The following R3HDM1 variants were observed in gnomAD, a reference collection of about 807,000 sequenced individuals.
R3HDM1 encodes the protein R3H domain-containing protein 1.
A neutral mutation model predicts 141.1 loss-of-function variants in R3HDM1; 46 were observed. The ratio of observed to expected loss-of-function variants is 0.33; its 90% CI spans 0.26 to 0.42. R3HDM1 has a LOEUF of 0.42. R3HDM1 is among the 10% of genes least tolerant of loss of function. The pLI is 1.00. For synonymous variants in R3HDM1, 435 were observed against 472.9 expected (o/e 0.92, Z 1.04); for missense variants, 1,184 against 1,368.3 (o/e 0.87, Z 2.12).
At chr2:135,545,564 T>G (rs1350395693) in intron 1 of R3HDM1, among the ~76,000 whole-genome samples, 2 of 152,214 alleles carry the variant, frequency 1.3e-5, no homozygotes, top group African/African-American at 4.8e-5. Flanking sequence ...AGTACACACT[T>G]GGATGAAGTT....
At chr2:135,594,139 T>G (rs1443621577) in intron 1 of R3HDM1, among the ~76,000 whole-genome samples, 1 of 152,206 alleles carries the variant, frequency 6.6e-6, no homozygotes, top group Non-Finnish European at 1.5e-5. Flanking sequence ...GTCTCCCACA[T>G]CTCCCCTGCT....
At chr2:135,623,350 C>T (rs2061681090) in intron 7 of R3HDM1, among the ~76,000 whole-genome samples, 1 of 152,102 alleles carries the variant, frequency 6.6e-6, no homozygotes, top group Non-Finnish European at 1.5e-5. Flanking sequence ...AGAAATCTTC[C>T]TCTAGATGTT....
At chr2:135,632,127 A>C in intron 9 of R3HDM1, 126 bp downstream of exon 9, 1 of 821,064 alleles carries the variant, frequency 1.2e-6, no homozygotes, top group East Asian at 3.1e-5. Context: ...TGATAACCTT[A>C]TGTGATAGGA....
chr2:135,558,345 G>A lies in R3HDM1; in HGVS notation c.-250+26712G>A, dbSNP rs77458369. The stretch of plus-strand genomic sequence containing the variant: ...TATGTGGCTGGTAGCTACCTTATTA[G>A]ACAGCACAACTATCTAAATTTGGAA... On this transcript the variant is annotated intron_variant, in intron 1 of 26. Coordinates refer to ENST00000683871, the MANE Select transcript of R3HDM1 (RefSeq NM_001378107.1). 7.0e-3 allele frequency among the ~76,000 whole-genome samples: 1,065 copies of A among 152,264 alleles called. 12 individuals are homozygous for A. Among genetic ancestry groups the A allele is most frequent in the African/African-American group, 0.024 (998 of 41,534 alleles).
intron 15 of R3HDM1, among the ~76,000 whole-genome samples, chr2:135,644,799 A>G (rs911616705): frequency 2.0e-5 from 3 of 152,166 alleles, no homozygotes; most frequent in African/African-American, 7.2e-5. Context: ...AGAGTTTTTC[A>G]GGAAACACTA....
At chr2:135,623,761 T>C (rs2061722840) in intron 7 of R3HDM1, among the ~76,000 whole-genome samples, 1 of 152,210 alleles carries the variant, frequency 6.6e-6, no homozygotes, top group African/African-American at 2.4e-5. Context: ...ATTGTAGATA[T>C]GAAAAGGTAT....
intron 1 of R3HDM1, among the ~76,000 whole-genome samples, chr2:135,596,102 G>C (rs1007471750): frequency 1.3e-5 from 2 of 152,034 alleles, no homozygotes; most frequent in Non-Finnish European, 2.9e-5. Context: ...AGGCTCCAGC[G>C]ATTCTCCTGC....
intron 18 of R3HDM1, among the ~76,000 whole-genome samples, chr2:135,652,695 T>C (rs1265542379): frequency 6.6e-6 from 1 of 152,180 alleles, no homozygotes; most frequent in African/African-American, 2.4e-5. Context: ...TATTTTCTGA[T>C]GGTGTTTATG....
In R3HDM1 at chr2:135,710,230, A is replaced by G. The variant is rs1255995887; in HGVS notation, c.2735A>G (p.Gln912Arg). ...VEFSSVDNIV[Q>R]HSPQLSSPII... ...TTTAGCAGTGTAGACAATATTGTCC[A>G]GGTAAGATGGTTTTGTTCATTATCA... Residue 912 changes from glutamine to arginine, a missense_variant and splice_region_variant, in exon 23 of 27, where the codon CAG becomes CGG. Coordinates refer to ENST00000683871, the MANE Select transcript of R3HDM1 (RefSeq NM_001378107.1). 6.2e-7 allele frequency: 1 copy of G among 1,610,998 alleles called. No individual in the cohort carries two copies. The highest frequency in any genetic ancestry group is 8.5e-7 in the Non-Finnish European group (1 of 1,178,152).
rs1160518434 is a variant in R3HDM1, at chr2:135,630,288, A to AAAAAC, written c.498-1426_498-1425insCAAAA. 1.2e-3 allele frequency among the ~76,000 whole-genome samples: 171 copies of AAAAAC among 142,326 alleles called. 3 individuals carry two copies. Among genetic ancestry groups the AAAAAC allele is most frequent in the African/African-American group, 4.5e-3 (160 of 35,800 alleles). The allele number at this position is 142,326 out of a possible 152,430, so 93.4% of individuals were successfully genotyped here. ...GCGAAACTCCTTCTCAACCAAAAAA[A>AAAAAC]AAAAAAAAAAAAAAAAAAAACAAAA... On this transcript the variant is annotated intron_variant, in intron 7 of 26. Transcript: ENST00000683871.
chr2:135,532,140 C>A (rs1457965677), intron 1 of R3HDM1, among the ~76,000 whole-genome samples: 1 of 152,234 alleles, frequency 6.6e-6, no homozygotes, highest in East Asian at 1.9e-4. Flanking sequence ...GGCCGCCCCA[C>A]GGCCGCATCC....
chr2:135,707,351 G>A (rs943182827), intron 21 of R3HDM1, among the ~76,000 whole-genome samples: 13 of 152,196 alleles, frequency 8.5e-5, no homozygotes, highest in Non-Finnish European at 1.9e-4. Flanking sequence ...AGTGATTTAA[G>A]AGGGTGTCTC....
chr2:135,645,936 T>C (rs2064347211), intron 16 of R3HDM1, among the ~76,000 whole-genome samples: 1 of 152,186 alleles, frequency 6.6e-6, no homozygotes, highest in South Asian at 2.1e-4. Flanking sequence ...AAGGTACTCT[T>C]CATCCATTCT....
chr2:135,647,941 G>C (rs147917450), intron 16 of R3HDM1, among the ~76,000 whole-genome samples: 1 of 152,042 alleles, frequency 6.6e-6, no homozygotes, highest in East Asian at 1.9e-4. Flanking sequence ...TCTGAAATTC[G>C]GGAAGACATT....
chr2:135,532,816 T>C (rs1196259698), intron 1 of R3HDM1, among the ~76,000 whole-genome samples: 2 of 152,256 alleles, frequency 1.3e-5, no homozygotes, highest in African/African-American at 2.4e-5. Context: ...CATTCTGTTA[T>C]GATTTCTTCA....
intron 3 of R3HDM1, among the ~76,000 whole-genome samples, chr2:135,611,286 G>A (rs1480920390): frequency 3.4e-5 from 5 of 147,680 alleles, no homozygotes; most frequent in East Asian, 4.1e-4. Flanking sequence ...TAGGCATGGC[G>A]GCTACTCTGG....
chr2:135,604,727 C>T, intron 2 of R3HDM1, 79 bp from the exon 3 acceptor site: 1 of 1,080,906 alleles, frequency 9.3e-7, no homozygotes, highest in Non-Finnish European at 1.4e-6. Flanking sequence ...ATTTCTGGAA[C>T]ATAACAGACA....
intron 1 of R3HDM1, among the ~76,000 whole-genome samples, chr2:135,538,174 T>C (rs1696642533): frequency 6.6e-6 from 1 of 152,216 alleles, no homozygotes; most frequent in Non-Finnish European, 1.5e-5. Flanking sequence ...TACAGTATGC[T>C]ACTATACTAA....
At chr2:135,532,859 A>C (rs1408048671) in intron 1 of R3HDM1, among the ~76,000 whole-genome samples, 1 of 152,204 alleles carries the variant, frequency 6.6e-6, no homozygotes, top group Non-Finnish European at 1.5e-5. Flanking sequence ...CGTCTTTTCA[A>C]ATACCACTCT....
Sources: allele counts gnomAD v4.1 joint callset (sites outside exome capture counted in the v4.1 genomes callset), GRCh38; gene constraint gnomAD v4.1.1; transcripts MANE v1.5; gene names NCBI Gene and HGNC (gene_info 2026-07-23, HGNC 2026-07-21).